LIMS1: variants seen among roughly 807,000 people sequenced by gnomAD.
The protein encoded by LIMS1 is LIM and senescent cell antigen-like-containing domain protein 1.
Under a neutral mutation model 44.1 loss-of-function variants are expected in LIMS1, and 18 were observed. That is an observed-to-expected ratio of 0.41 (90% CI 0.28 to 0.61). The LOEUF (loss-of-function observed/expected upper bound fraction) is 0.61, where lower values mean the gene tolerates loss of function less well. Among genes scored for constraint, LIMS1 ranks in the 20% least tolerant of loss-of-function variants. LIMS1 has a pLI of 0.32. For synonymous variants in LIMS1, 93 were observed against 149.1 expected (o/e 0.62, Z 2.74); for missense variants, 201 against 422.0 (o/e 0.48, Z 4.59).
At chr2:108,596,911 A>G (rs1686727004) in intron 1 of LIMS1, among the ~76,000 whole-genome samples, 2 of 135,914 alleles carry the variant, frequency 1.5e-5, no homozygotes. Flanking sequence ...CCTACGAAAC[A>G]TCTGTTTTTT....
At chr2:108,659,793 G>T (rs112620468) in intron 2 of LIMS1, 29 bp downstream of exon 2, 2 of 1,612,178 alleles carry the variant, frequency 1.2e-6, no homozygotes, top group African/African-American at 1.3e-5. Context: ...AAGCAGGGAG[G>T]TGCCATTCCC....
intron 1 of LIMS1, chr2:108,588,435 A>G: frequency 2.0e-6 from 2 of 985,516 alleles, no homozygotes; most frequent in South Asian, 4.7e-5. Flanking sequence ...AGTAAGTTAA[A>G]TAAGAGTAGG....
At chr2:108,542,819 C>G (rs1184409878) in intron 1 of LIMS1, among the ~76,000 whole-genome samples, 1 of 152,182 alleles carries the variant, frequency 6.6e-6, no homozygotes, top group East Asian at 1.9e-4. Context: ...TGCTTCAACA[C>G]CTATTAGGCT....
intron 1 of LIMS1, among the ~76,000 whole-genome samples, chr2:108,551,966 T>C (rs1684755989): frequency 1.4e-5 from 2 of 144,610 alleles, no homozygotes; most frequent in Non-Finnish European, 3.0e-5. Flanking sequence ...TATATATATA[T>C]ATATATGTAT....
intron 1 of LIMS1, among the ~76,000 whole-genome samples, chr2:108,577,647 C>G (rs1369727692): frequency 3.9e-5 from 6 of 152,158 alleles, no homozygotes; most frequent in African/African-American, 1.4e-4. Flanking sequence ...AATGTTTTTA[C>G]ATTCTTAAAA....
chr2:108,556,632 T>C, intron 1 of LIMS1, among the ~76,000 whole-genome samples: 1 of 152,154 alleles, frequency 6.6e-6, no homozygotes, highest in Non-Finnish European at 1.5e-5. Flanking sequence ...TTCCCTCCCT[T>C]CCTTTGTTGG....
At chr2:108,626,688 T>C (rs1029894659) in intron 1 of LIMS1, among the ~76,000 whole-genome samples, 6 of 152,226 alleles carry the variant, frequency 3.9e-5, no homozygotes, top group African/African-American at 1.2e-4. Context: ...TCTTTTATTC[T>C]AGATTAAACT....
In LIMS1 at chr2:108,534,973, A is replaced by G. The variant is rs1054309372; in HGVS notation, c.32+379A>G. Among the ~76,000 whole-genome samples the G allele has an allele frequency of 2.0e-4, 30 of 152,362 alleles. No individual in the cohort carries two copies. The South Asian group carries it at 5.8e-3, about 29-fold the overall frequency. On this transcript the variant is annotated intron_variant, in intron 1 of 9. Transcript: ENST00000544547. ...GACTAGAGGACCTGGAATGGTGGCTATCTCCATAGACTGTACTAGAAAGGA... is the reference window on the plus strand; with the variant it reads ...GACTAGAGGACCTGGAATGGTGGCTGTCTCCATAGACTGTACTAGAAAGGA...
In LIMS1 at chr2:108,570,201, C is replaced by T. The variant is rs141362689; in HGVS notation, c.32+35607C>T. Reference sequence around the variant, plus strand: ...ATCCCAGCACTTTGGGAGGCCAAGGCGGACAGATCACTTGAGGTTAGGAGT... The same window carrying T: ...ATCCCAGCACTTTGGGAGGCCAAGGTGGACAGATCACTTGAGGTTAGGAGT... On this transcript the variant is annotated intron_variant, in intron 1 of 9. Coordinates refer to ENST00000544547, the Ensembl canonical transcript of LIMS1. Among the ~76,000 whole-genome samples the T allele has an allele frequency of 1.2e-4, 19 of 152,122 alleles. No individual in the cohort carries two copies. In the East Asian group the frequency reaches 3.7e-3, roughly 30 times the overall value.
chr2:108,602,982 A>G (rs528175913), intron 1 of LIMS1, among the ~76,000 whole-genome samples: 11 of 152,020 alleles, frequency 7.2e-5, no homozygotes, highest in Non-Finnish European at 1.6e-4. Flanking sequence ...GGGTTTCGTC[A>G]TGGTACCCAG....
At chr2:108,629,439 A>T (rs573655016) in intron 1 of LIMS1, among the ~76,000 whole-genome samples, 1 of 152,304 alleles carries the variant, frequency 6.6e-6, no homozygotes, top group South Asian at 2.1e-4. Flanking sequence ...AGAAATAGCT[A>T]GAGGTTGGAT....
chr2:108,656,669 T>C (rs1473133778), intron 1 of LIMS1, among the ~76,000 whole-genome samples: 2 of 146,024 alleles, frequency 1.4e-5, no homozygotes, highest in Non-Finnish European at 3.0e-5. Flanking sequence ...AAAATATATA[T>C]TATATTACCT....
At chr2:108,671,540 A>T (rs534577343) in intron 3 of LIMS1, among the ~76,000 whole-genome samples, 1 of 152,238 alleles carries the variant, frequency 6.6e-6, no homozygotes, top group Non-Finnish European at 1.5e-5. Flanking sequence ...TGCACGGCGC[A>T]TAAGTGATGG....
chr2:108,562,273 G>C (rs551864704), intron 1 of LIMS1, among the ~76,000 whole-genome samples: 5 of 152,286 alleles, frequency 3.3e-5, no homozygotes, highest in African/African-American at 1.2e-4. Context: ...AAGTGTTACA[G>C]TGAAAGGAAG....
chr2:108,639,206 C>T (rs967551665), intron 1 of LIMS1, among the ~76,000 whole-genome samples: 6 of 152,052 alleles, frequency 3.9e-5, no homozygotes, highest in South Asian at 2.1e-4. Flanking sequence ...ATCGATAAGG[C>T]CTGGAATGTC....
intron 1 of LIMS1, among the ~76,000 whole-genome samples, chr2:108,605,532 T>C (rs1164650931): frequency 6.6e-6 from 1 of 152,224 alleles, no homozygotes; most frequent in Non-Finnish European, 1.5e-5. Flanking sequence ...ATTTATTCCT[T>C]TCAGCATCTT....
At chr2:108,562,904 CTT>C (rs1685173077) in intron 1 of LIMS1, among the ~76,000 whole-genome samples, 1 of 152,188 alleles carries the variant, frequency 6.6e-6, no homozygotes, top group Non-Finnish European at 1.5e-5. Flanking sequence ...GGTTGACTCT[CTT>C]GTTAGGAGAT....
At chr2:108,661,336 C>CTTT (rs200878283) in intron 2 of LIMS1, among the ~76,000 whole-genome samples, 8 of 146,230 alleles carry the variant, frequency 5.5e-5, no homozygotes, top group African/African-American at 1.5e-4. Context: ...TCTTCTAGTT[C>CTTT]TTTTTTTTTT....
At chr2:108,585,233 G>A (rs1686054448) in intron 1 of LIMS1, among the ~76,000 whole-genome samples, 3 of 151,872 alleles carry the variant, frequency 2.0e-5, no homozygotes, top group Middle Eastern at 6.9e-3. Flanking sequence ...TGTCCTCAGT[G>A]CAGTAGAGAA....
Sources: gnomAD v4.1 joint callset for allele counts (sites outside exome capture counted in the v4.1 genomes callset) on GRCh38, gnomAD v4.1.1 for gene constraint, MANE v1.5 for transcripts, NCBI Gene and HGNC (gene_info 2026-07-23, HGNC 2026-07-21) for gene names.